Variants in ALK observed in about 807,000 individuals in gnomAD.
The protein encoded by ALK is ALK receptor tyrosine kinase.
A neutral mutation model predicts 163.1 loss-of-function variants in ALK; 74 were observed. The observed-to-expected ratio is 0.45, with a 90% CI of 0.38 to 0.55. The LOEUF (loss-of-function observed/expected upper bound fraction) is 0.55. Among genes scored for constraint, ALK ranks in the 20% least tolerant of loss-of-function variants. ALK has a pLI of 0.00. For synonymous variants in ALK, 960 were observed against 843.2 expected, an observed-to-expected ratio of 1.14 and a Z score of -2.40; for missense variants, 2,063 against 2,105.3, an observed-to-expected ratio of 0.98 and a Z score of 0.39.
chr2:29,398,614 G>A (rs1480849601), intron 4 of ALK, among the ~76,000 whole-genome samples: 1 of 152,192 alleles, frequency 6.6e-6, no homozygotes, highest in Non-Finnish European at 1.5e-5. Context: ...AGGCCTTTTT[G>A]TGATAGGTCA....
chr2:29,267,407 C>A (rs1025913505), intron 11 of ALK, among the ~76,000 whole-genome samples: 1 of 152,202 alleles, frequency 6.6e-6, no homozygotes, highest in Non-Finnish European at 1.5e-5. Context: ...GTTGTTATAG[C>A]CACTGTGTTT....
At position 29,860,230 on chromosome 2, in the gene ALK, G is replaced by T. The variant is rs111265227; in HGVS notation, c.667+59763C>A. 4.1e-3 allele frequency among the ~76,000 whole-genome samples: 624 copies of T among 152,162 alleles called. 5 individuals carry two copies. The highest frequency in any genetic ancestry group is 0.014 in the African/African-American group (591 of 41,528). ...GTAGTATCACAGGTATGGGATTATT[G>T]GTTTGTTTGTTTAAGAAAGGGCAAT... On this transcript the variant is annotated intron_variant, in intron 1 of 28. Transcript: ENST00000389048.
intron 1 of ALK, among the ~76,000 whole-genome samples, chr2:29,909,583 A>T (rs181554519): frequency 1.3e-5 from 2 of 152,320 alleles, no homozygotes; most frequent in Admixed American, 6.5e-5. Flanking sequence ...TTGTGCATTC[A>T]TACAGTGAGA....
chr2:29,400,423 C>A (rs527763541), intron 4 of ALK, among the ~76,000 whole-genome samples: 1 of 152,072 alleles, frequency 6.6e-6, no homozygotes, highest in Non-Finnish European at 1.5e-5. Flanking sequence ...TCGCTTTGGT[C>A]CAACCCATTA....
chr2:29,295,419 T>G (rs7579410), intron 9 of ALK, among the ~76,000 whole-genome samples: 1,893 of 152,262 alleles, frequency 0.012, 28 homozygotes, highest in East Asian at 0.067. Flanking sequence ...CTCCACCAAC[T>G]GCATGCAGCT....
chr2:29,341,465 C>A (rs1405524745), intron 5 of ALK, among the ~76,000 whole-genome samples: 1 of 152,172 alleles, frequency 6.6e-6, no homozygotes, highest in Non-Finnish European at 1.5e-5. Context: ...GCAAGGGCTT[C>A]CCAGCTGGGC....
intron 3 of ALK, among the ~76,000 whole-genome samples, chr2:29,637,275 G>A (rs572705498): frequency 3.9e-5 from 6 of 152,246 alleles, no homozygotes; most frequent in Admixed American, 2.0e-4. Flanking sequence ...TTATTCATAC[G>A]TGTGAAAACT....
At chr2:29,253,844 T>TTAGATAGATAGA (rs10539749) in intron 11 of ALK, among the ~76,000 whole-genome samples, 75 of 143,588 alleles carry the variant, frequency 5.2e-4, no homozygotes, top group East Asian at 8.1e-4. Context: ...TATATCTATA[T>TTAGATAGATAGA]TAGATAGATA....
chr2:29,594,426 CTTTTTTTT>C (rs754184164), intron 3 of ALK, among the ~76,000 whole-genome samples: 1 of 128,958 alleles, frequency 7.8e-6, no homozygotes, highest in African/African-American at 3.0e-5. Flanking sequence ...GGTCTCCTCA[CTTTTTTTT>C]TTTTTTTTTT....
intron 1 of ALK, among the ~76,000 whole-genome samples, chr2:29,886,921 A>G (rs923611438): frequency 1.8e-4 from 28 of 152,208 alleles, no homozygotes; most frequent in African/African-American, 6.5e-4. Flanking sequence ...GGGAAGAGAA[A>G]GACTGAATGA....
At chr2:29,659,669 C>A (rs1356399104) in intron 3 of ALK, among the ~76,000 whole-genome samples, 1 of 152,158 alleles carries the variant, frequency 6.6e-6, no homozygotes, top group African/African-American at 2.4e-5. Context: ...ACCAACCCAT[C>A]TTTACATTTG....
intron 6 of ALK, among the ~76,000 whole-genome samples, chr2:29,322,297 C>A (rs1269842051): frequency 6.6e-6 from 1 of 152,222 alleles, no homozygotes; most frequent in African/African-American, 2.4e-5. Flanking sequence ...CACACAGAGG[C>A]AGAATTATAA....
chr2:29,744,818 G>A (rs989097800), intron 1 of ALK, among the ~76,000 whole-genome samples: 4 of 152,032 alleles, frequency 2.6e-5, no homozygotes, highest in Non-Finnish European at 5.9e-5. Flanking sequence ...GGGGTACCGA[G>A]AGAGAGAGCA....
intron 12 of ALK, among the ~76,000 whole-genome samples, chr2:29,248,197 C>T (rs1452468946): frequency 2.6e-5 from 4 of 152,004 alleles, no homozygotes; most frequent in Non-Finnish European, 5.9e-5. Context: ...AGTGACTGGC[C>T]GGGTGTGGTG....
rs536259886 is a variant in ALK at position 29,220,242 on chromosome 2, C to T, written c.3645+464G>A. ...ATTCTCATGATAGTGAGTGAGTTCT[C>T]ATGAGACCTGGTTGTTTAAAAGTGT... On this transcript the variant is annotated intron_variant, in intron 23 of 28. Coordinates refer to ENST00000389048, the MANE Select transcript of ALK (RefSeq NM_004304.5). 5.3e-5 allele frequency among the ~76,000 whole-genome samples: 8 copies of T among 152,204 alleles called. No individual in the cohort carries two copies. The South Asian group carries it at 1.5e-3, about 28-fold the overall frequency.
Position 29,386,397 on chromosome 2 carries a change from T to C in ALK, c.1155-2538A>G, listed in dbSNP as rs1277242363. On this transcript the variant is annotated intron_variant, in intron 4 of 28. Coordinates refer to ENST00000389048, the MANE Select transcript of ALK (RefSeq NM_004304.5). ...GGCTTTCGGTTTAAATGAGGGACTG[T>C]CAAAGATAGCAATATTTGAGAAGAA... is the stretch of plus-strand genomic sequence containing the variant. 2.6e-5 allele frequency among the ~76,000 whole-genome samples: 4 copies of C among 152,166 alleles called. No homozygotes were observed. The East Asian group carries it at 5.8e-4, about 22-fold the overall frequency.
chr2:29,696,832 G>A (rs1678580797), intron 2 of ALK, among the ~76,000 whole-genome samples: 3 of 151,314 alleles, frequency 2.0e-5, no homozygotes, highest in Admixed American at 6.6e-5. Context: ...ACATTCCCCA[G>A]CTTCCCACTG....
chr2:29,296,764 T>C lies in ALK; in HGVS notation c.1817+124A>G, dbSNP rs1666194133. ...GTGCACGTGCGTGCACGCGCACATA[T>C]CGGTGTGTGGGCACATCTGCATGTG... On this transcript the variant is annotated intron_variant, in intron 9 of 28. Transcript: ENST00000389048. 1.1e-5 allele frequency: 13 copies of C among 1,138,620 alleles called. No homozygotes were observed. In the South Asian group the frequency reaches 1.6e-4, roughly 14 times the overall value. 70.5% of individuals were successfully genotyped at this position (1,138,620 alleles called of 1,614,324 possible).
intron 4 of ALK, among the ~76,000 whole-genome samples, chr2:29,529,105 G>T (rs1458625360): frequency 6.6e-6 from 1 of 152,144 alleles, no homozygotes; most frequent in African/African-American, 2.4e-5. Context: ...CTGCCTCCGG[G>T]TGCTTCCAAC....
Sources: gnomAD v4.1 joint callset for allele counts (sites outside exome capture counted in the v4.1 genomes callset) on GRCh38, gnomAD v4.1.1 for gene constraint, MANE v1.5 for transcripts, NCBI Gene and HGNC (gene_info 2026-07-23, HGNC 2026-07-21) for gene names.